The following AFF4 variants were observed in gnomAD, a reference collection of about 807,000 sequenced individuals.
The protein encoded by AFF4 is AF4/FMR2 family member 4.
In AFF4, 13 loss-of-function variants were observed where a neutral mutation model predicts 124.8. The observed-to-expected ratio is 0.10, with a 90% CI of 0.07 to 0.17. The LOEUF is 0.17. Among genes scored for constraint, AFF4 ranks in the 10% least tolerant of loss-of-function variants. AFF4 has a pLI of 1.00. For missense variants in AFF4, 1,092 were observed against 1,403.8 expected (o/e 0.78, Z 3.55); for synonymous variants, 477 against 496.1 (o/e 0.96, Z 0.51).
chr5:132,881,047 A>C lies in AFF4; in HGVS notation c.*12T>G. The C allele has an allele frequency of 6.2e-7, 1 of 1,610,074 alleles. No individual in the cohort carries two copies. Among genetic ancestry groups the C allele is most frequent in the East Asian group, 2.2e-5 (1 of 44,812 alleles). ...TGTGGAGAAAATCAGAGGCAACGAG[A>C]ATGTGTTCAGTTCAAGATATCAACT... is the stretch of plus-strand genomic sequence containing the variant. On this transcript the variant is annotated 3_prime_UTR_variant, in exon 21 of 21. Coordinates refer to ENST00000265343, the MANE Select transcript of AFF4 (RefSeq NM_014423.4).
intron 11 of AFF4, 80 bp downstream of exon 11, chr5:132,896,243 T>A: frequency 6.7e-7 from 1 of 1,486,846 alleles, no homozygotes. Context: ...ACCCACCTTG[T>A]TACTTTGTGG....
chr5:132,932,558 G>A (rs2150097010), intron 3 of AFF4, among the ~76,000 whole-genome samples: 1 of 152,262 alleles, frequency 6.6e-6, no homozygotes, highest in African/African-American at 2.4e-5. Flanking sequence ...AACATATCAT[G>A]ATACTGAGAT....
chr5:132,962,625 A>AC (rs760749428), intron 1 of AFF4, among the ~76,000 whole-genome samples: 3 of 152,088 alleles, frequency 2.0e-5, no homozygotes, highest in Non-Finnish European at 4.4e-5. Context: ...TACGAGATTA[A>AC]CCCCAAGCAC....
At chr5:132,938,269 CTTTT>C (rs780241930) in intron 1 of AFF4, among the ~76,000 whole-genome samples, 1 of 143,568 alleles carries the variant, frequency 7.0e-6, no homozygotes, top group Non-Finnish European at 1.5e-5. Context: ...GTATTATACT[CTTTT>C]TTTTTTTTTT....
chr5:132,940,362 G>A (rs977718576), intron 1 of AFF4, among the ~76,000 whole-genome samples: 4 of 151,380 alleles, frequency 2.6e-5, no homozygotes, highest in African/African-American at 4.9e-5. Context: ...TTATCCGGGC[G>A]TGGCGGTGGG....
chr5:132,905,048 CAAAAA>C (rs66981854), intron 5 of AFF4, among the ~76,000 whole-genome samples: 1 of 118,368 alleles, frequency 8.4e-6, no homozygotes, highest in Non-Finnish European at 1.7e-5. Context: ...GACTCCATCT[CAAAAA>C]AAAAAAAAAA....
chr5:132,911,931 T>C (rs900387684), intron 5 of AFF4, among the ~76,000 whole-genome samples: 2 of 151,724 alleles, frequency 1.3e-5, no homozygotes, highest in Non-Finnish European at 2.9e-5. Flanking sequence ...GGCAGATAGT[T>C]GCAAGGGGGC....
rs1759864723 is a variant in AFF4 at position 132,877,408 on chromosome 5, G to A, written c.*3651C>T. On this transcript the variant is annotated 3_prime_UTR_variant, in exon 21 of 21. Coordinates refer to ENST00000265343, the MANE Select transcript of AFF4 (RefSeq NM_014423.4). ...TGCACCCTTGAACATTAATATTCAA[G>A]GTGTCAACAAGAAAGTGTCTTAGAT... 1 of 217,164 alleles carries A rather than the reference G, an allele frequency of 4.6e-6. No individual in the cohort carries two copies. The highest frequency in any genetic ancestry group is 9.3e-6 in the Non-Finnish European group (1 of 107,798). The allele number at this position is 217,164 out of a possible 1,614,324, so 13.5% of individuals were successfully genotyped here. A position where few individuals can be genotyped will look rare whatever the true frequency, so the allele number is the denominator to read the frequency against.
At chr5:132,921,610 G>A (rs959752153) in intron 5 of AFF4, among the ~76,000 whole-genome samples, 2 of 151,892 alleles carry the variant, frequency 1.3e-5, no homozygotes, top group Admixed American at 6.6e-5. Context: ...TGGGATTATA[G>A]GCATGCGCCA....
At chr5:132,886,007 C>T (rs566859385) in intron 18 of AFF4, among the ~76,000 whole-genome samples, 75 of 152,170 alleles carry the variant, frequency 4.9e-4, no homozygotes, top group Middle Eastern at 3.4e-3. Flanking sequence ...CTCTTGACCT[C>T]GTGATCTGCC....
intron 5 of AFF4, among the ~76,000 whole-genome samples, chr5:132,924,920 A>T (rs1307825792): frequency 6.6e-6 from 1 of 151,984 alleles, no homozygotes; most frequent in African/African-American, 2.4e-5. Flanking sequence ...TCACACCTGT[A>T]ATCCTAGCAC....
intron 4 of AFF4, among the ~76,000 whole-genome samples, chr5:132,931,414 G>T (rs750757630): frequency 6.6e-6 from 1 of 152,142 alleles, no homozygotes; most frequent in Non-Finnish European, 1.5e-5. Flanking sequence ...GGGTAACAGA[G>T]TGAGACTCCA....
At chr5:132,921,782 A>AT (rs1164963227) in intron 5 of AFF4, among the ~76,000 whole-genome samples, 1 of 151,282 alleles carries the variant, frequency 6.6e-6, no homozygotes, top group Non-Finnish European at 1.5e-5. Context: ...TTGTTTTCTA[A>AT]TTTTTTCTTT....
chr5:132,910,846 T>C (rs1760778483), intron 5 of AFF4, among the ~76,000 whole-genome samples: 1 of 152,210 alleles, frequency 6.6e-6, no homozygotes. Context: ...ATTTAAATTG[T>C]ACAGCGTTCT....
rs138907805 is a variant in AFF4, at chr5:132,948,758, A to C, written c.-4-11565T>G. On this transcript the variant is annotated intron_variant, in intron 1 of 20. Coordinates refer to ENST00000265343, the MANE Select transcript of AFF4 (RefSeq NM_014423.4). ...TTTACAGTGTTCAGTCATTGAAATC[A>C]AGAAAGCGAATTCCTTTTTGGATGC... The C allele has an allele frequency of 9.0e-4, 152 of 168,678 alleles. 1 individual carries two copies. Among genetic ancestry groups the C allele is most frequent in the Middle Eastern group, 5.0e-3 (6 of 1,200 alleles). 10.4% of individuals were successfully genotyped at this position (168,678 alleles called of 1,614,324 possible). A position where few individuals can be genotyped will look rare whatever the true frequency, so the allele number is the denominator to read the frequency against.
At position 132,901,058 on chromosome 5, in the gene AFF4, A is replaced by G. The variant is rs533535212; in HGVS notation, c.1133+1384T>C. 11 of 985,438 alleles carry G rather than the reference A, an allele frequency of 1.1e-5. No homozygotes were observed. In the Admixed American group the frequency reaches 2.5e-4, roughly 22 times the overall value. 61.0% of individuals were successfully genotyped at this position (985,438 alleles called of 1,614,324 possible). A position where few individuals can be genotyped will look rare whatever the true frequency, so the allele number is the denominator to read the frequency against. On this transcript the variant is annotated intron_variant, in intron 7 of 20. Coordinates refer to ENST00000265343, the MANE Select transcript of AFF4 (RefSeq NM_014423.4). ...CCAGATGATTTTTAAGACTGGCCCA[A>G]TTAAACAGAACAGGGAAAAAAGAGT...
intron 5 of AFF4, among the ~76,000 whole-genome samples, chr5:132,914,793 T>C (rs1760870500): frequency 6.6e-6 from 1 of 152,028 alleles, no homozygotes; most frequent in Admixed American, 6.6e-5. Flanking sequence ...ATAAGAGAAG[T>C]GCTATCATAA....
In AFF4 at chr5:132,878,019, T is replaced by C; in HGVS notation, c.*3040A>G. On this transcript the variant is annotated 3_prime_UTR_variant, in exon 21 of 21. Coordinates refer to ENST00000265343, the MANE Select transcript of AFF4 (RefSeq NM_014423.4). The stretch of plus-strand genomic sequence containing the variant: ...GAATTAAATAAATGGTGGTCAACCT[T>C]CTCCACTCTTCGGCAGCTGTAGCTG... 4.5e-6 allele frequency: 1 copy of C among 222,996 alleles called. No individual in the cohort carries two copies. The highest frequency in any genetic ancestry group is 9.0e-6 in the Non-Finnish European group (1 of 111,492). The allele number at this position is 222,996 out of a possible 1,614,324, so 13.8% of individuals were successfully genotyped here.
At chr5:132,956,824 A>C (rs1402165684) in intron 1 of AFF4, among the ~76,000 whole-genome samples, 1 of 151,596 alleles carries the variant, frequency 6.6e-6, no homozygotes, top group Non-Finnish European at 1.5e-5. Flanking sequence ...GTTCAAGACC[A>C]GCCTGACCAA....
Sources: gnomAD v4.1 joint callset for allele counts (sites outside exome capture counted in the v4.1 genomes callset) on GRCh38, gnomAD v4.1.1 for gene constraint, MANE v1.5 for transcripts, NCBI Gene and HGNC (gene_info 2026-07-23, HGNC 2026-07-21) for gene names.